Variants in ABCA13 observed in about 807,000 individuals in gnomAD.
The protein encoded by ABCA13 is ATP binding cassette subfamily A member 13, also known as ATP-binding cassette sub-family A member 13.
A neutral mutation model predicts 478.7 loss-of-function variants in ABCA13; 476 were observed. The ratio of observed to expected loss-of-function variants is 0.99; its 90% CI spans 0.92 to 1.07. The LOEUF (loss-of-function observed/expected upper bound fraction) is 1.07, where lower values mean the gene tolerates loss of function less well. Ranked by LOEUF, ABCA13 falls within the 50% of genes least tolerant of loss-of-function variation. The probability of loss-of-function intolerance (pLI) is 0.00; values close to 1 mark genes in which losing one functional copy is unlikely to be tolerated. For missense variants in ABCA13, 6,060 were observed against 5,910.6 expected, an observed-to-expected ratio of 1.03 and a Z score of -0.83; for synonymous variants, 2,252 against 2,158.9, an observed-to-expected ratio of 1.04 and a Z score of -1.20.
At chr7:48,491,541 T>C (rs1030637249) in intron 48 of ABCA13, among the ~76,000 whole-genome samples, 4 of 152,084 alleles carry the variant, frequency 2.6e-5, no homozygotes, top group African/African-American at 9.7e-5. Context: ...GTTTCAGAAA[T>C]GGAAAATTAA....
intron 57 of ABCA13, among the ~76,000 whole-genome samples, chr7:48,593,391 A>G (rs1789964598): frequency 6.6e-6 from 1 of 151,856 alleles, no homozygotes; most frequent in Non-Finnish European, 1.5e-5. Context: ...ATTAAAAAAA[A>G]ACTACACTTT....
At chr7:48,386,166 T>C (rs1287786425) in intron 35 of ABCA13, among the ~76,000 whole-genome samples, 1 of 152,050 alleles carries the variant, frequency 6.6e-6, no homozygotes. Flanking sequence ...ACAAAATATC[T>C]AGGAATACAC....
At chr7:48,262,571 T>A (rs1794343016) in intron 15 of ABCA13, among the ~76,000 whole-genome samples, 1 of 151,988 alleles carries the variant, frequency 6.6e-6, no homozygotes, top group African/African-American at 2.4e-5. Flanking sequence ...CATCTGCCGT[T>A]GTTTCCTTTT....
intron 28 of ABCA13, among the ~76,000 whole-genome samples, chr7:48,337,029 C>T (rs765228684): frequency 6.6e-6 from 1 of 152,206 alleles, no homozygotes; most frequent in Non-Finnish European, 1.5e-5. Flanking sequence ...TACCTGAGTA[C>T]TACTTACTAA....
intron 1 of ABCA13, among the ~76,000 whole-genome samples, chr7:48,179,810 T>G (rs1795413496): frequency 6.6e-6 from 1 of 152,222 alleles, no homozygotes; most frequent in Non-Finnish European, 1.5e-5. Flanking sequence ...CTTCTTCATT[T>G]TGTCACATCA....
chr7:48,569,713 G>A (rs1411268962), intron 55 of ABCA13, among the ~76,000 whole-genome samples: 2 of 152,058 alleles, frequency 1.3e-5, no homozygotes, highest in African/African-American at 4.8e-5. Context: ...TTGGTAGAGA[G>A]TGTTTTTCAT....
chr7:48,219,580 C>A, intron 4 of ABCA13, 75 bp downstream of exon 4: 1 of 1,517,640 alleles, frequency 6.6e-7, no homozygotes. Context: ...GCTATGAGAA[C>A]CCAGAATGCT....
chr7:48,464,921 T>C (rs777591195), intron 43 of ABCA13, among the ~76,000 whole-genome samples: 57 of 152,252 alleles, frequency 3.7e-4, no homozygotes, highest in Middle Eastern at 3.4e-3. Flanking sequence ...GGAGGACTTA[T>C]TATGGAATCG....
chr7:48,564,901 A>G (rs1022015780), intron 55 of ABCA13, among the ~76,000 whole-genome samples: 1 of 152,148 alleles, frequency 6.6e-6, no homozygotes, highest in African/African-American at 2.4e-5. Flanking sequence ...GTAAAATTTA[A>G]CAGTGACTTG....
In ABCA13 at chr7:48,309,969, T is replaced by A. The variant is rs776012560; in HGVS notation, c.9344T>A (p.Val3115Glu). The change falls in exon 24 of 62, where the codon GTA (valine) becomes GAA (glutamate). Residue 3115 changes from valine to glutamate, a missense_variant. By Grantham distance (121) the Val-to-Glu change is moderately radical. Coordinates refer to ENST00000435803, the MANE Select transcript of ABCA13 (RefSeq NM_152701.5). Reference protein sequence around the residue: ...HSKVLFSALTVALSGKCDQEI... With the variant: ...HSKVLFSALTEALSGKCDQEI... Reference sequence around the variant, plus strand: ...CAGGTTCTCTTCAGTGCCCTCACCGTAGCTCTGTCTGGAAAGTGTGATCAG... The same window carrying A: ...CAGGTTCTCTTCAGTGCCCTCACCGAAGCTCTGTCTGGAAAGTGTGATCAG... 1.9e-6 allele frequency: 3 copies of A among 1,613,884 alleles called. No homozygotes were observed. In the South Asian group the frequency reaches 3.3e-5, roughly 18 times the overall value.
At chr7:48,489,784 GT>G (rs1829677997) in intron 48 of ABCA13, among the ~76,000 whole-genome samples, 1 of 152,122 alleles carries the variant, frequency 6.6e-6, no homozygotes, top group Non-Finnish European at 1.5e-5. Context: ...AGTTATTTAT[GT>G]TGATCATTGA....
intron 1 of ABCA13, among the ~76,000 whole-genome samples, chr7:48,174,979 A>T (rs1794645447): frequency 6.6e-6 from 1 of 152,206 alleles, no homozygotes; most frequent in African/African-American, 2.4e-5. Flanking sequence ...CTCCTGGATC[A>T]TTTCTCTTGA....
At chr7:48,217,015 A>G (rs1414485453) in intron 3 of ABCA13, among the ~76,000 whole-genome samples, 1 of 152,184 alleles carries the variant, frequency 6.6e-6, no homozygotes, top group East Asian at 1.9e-4. Flanking sequence ...ATTTTTTGGT[A>G]TTGTTTTAAA....
Position 48,239,316 on chromosome 7 carries a change from TG to T in ABCA13, c.977del (p.Gly326AlafsTer78). On this transcript the variant is annotated frameshift_variant, in exon 9 of 62. Coordinates refer to ENST00000435803, the MANE Select transcript of ABCA13 (RefSeq NM_152701.5). LOFTEE classifies it high-confidence loss of function. ...CACATCAGAGGATGAAGCTGAGAAA[TG>T]GGGCCACGTTGGAGGCTGCCACCCT... The part of the protein sequence containing the change: ...SSTSEDEAEK[W>X]GHVGGCHPKW... The T allele has an allele frequency of 6.2e-7, 1 of 1,613,972 alleles. No homozygotes were observed. Among genetic ancestry groups the T allele is most frequent in the Non-Finnish European group, 8.5e-7 (1 of 1,179,874 alleles).
At chr7:48,330,453 A>T (rs997799696) in intron 27 of ABCA13, among the ~76,000 whole-genome samples, 1 of 150,178 alleles carries the variant, frequency 6.7e-6, no homozygotes, top group African/African-American at 2.5e-5. Flanking sequence ...CCATCTATTC[A>T]TCTATTCATT....
At chr7:48,481,708 A>G (rs867966810) in intron 46 of ABCA13, among the ~76,000 whole-genome samples, 3 of 151,826 alleles carry the variant, frequency 2.0e-5, no homozygotes, top group Non-Finnish European at 2.9e-5. Flanking sequence ...GGATTTCACC[A>G]TATTGGTCAG....
At chr7:48,432,003 CT>C (rs1028284219) in intron 42 of ABCA13, among the ~76,000 whole-genome samples, 2 of 152,152 alleles carry the variant, frequency 1.3e-5, no homozygotes. Flanking sequence ...CACACTTGAT[CT>C]TTTTTAAAAT....
At chr7:48,574,101 C>T (rs1462254946) in intron 55 of ABCA13, among the ~76,000 whole-genome samples, 1 of 151,698 alleles carries the variant, frequency 6.6e-6, no homozygotes, top group East Asian at 1.9e-4. Context: ...GTTAGGACCC[C>T]AATATTATTA....
chr7:48,199,738 T>C (rs1479563612), intron 3 of ABCA13, among the ~76,000 whole-genome samples: 1 of 152,228 alleles, frequency 6.6e-6, no homozygotes, highest in African/African-American at 2.4e-5. Context: ...AAACTCTGTC[T>C]TTCTTGGAAG....
Sources: allele counts gnomAD v4.1 joint callset (sites outside exome capture counted in the v4.1 genomes callset), GRCh38; gene constraint gnomAD v4.1.1; transcripts MANE v1.5; gene names NCBI Gene and HGNC (gene_info 2026-07-23, HGNC 2026-07-21).